LRCH1: variants seen among roughly 807,000 people sequenced by gnomAD.
LRCH1 encodes leucine-rich repeat and calponin homology domain-containing protein 1.
LRCH1 carries 23 observed loss-of-function variants against 94.9 expected under a neutral mutation model. The observed-to-expected ratio is 0.24, with a 90% CI of 0.17 to 0.34. The LOEUF (loss-of-function observed/expected upper bound fraction) is 0.34. Ranked by LOEUF, LRCH1 falls within the 10% of genes least tolerant of loss-of-function variation. The pLI is 1.00. For missense variants in LRCH1, 790 were observed against 945.9 expected (o/e 0.84, Z 2.16); for synonymous variants, 364 against 354.9 (o/e 1.03, Z -0.29).
chr13:46,576,603 A>T (rs995980656), intron 1 of LRCH1, among the ~76,000 whole-genome samples: 1 of 152,218 alleles, frequency 6.6e-6, no homozygotes, highest in African/African-American at 2.4e-5. Flanking sequence ...TTGGAGAGCC[A>T]TGCCTCTTTC....
chr13:46,618,455 A>T (rs4601940), intron 1 of LRCH1, among the ~76,000 whole-genome samples: 1 of 152,182 alleles, frequency 6.6e-6, no homozygotes, highest in Non-Finnish European at 1.5e-5. Flanking sequence ...AGCTACTTTA[A>T]TTTTAAGTTA....
chr13:46,651,586 G>A (rs563699281), intron 2 of LRCH1, among the ~76,000 whole-genome samples: 29 of 151,602 alleles, frequency 1.9e-4, no homozygotes, highest in Admixed American at 1.6e-3. Flanking sequence ...GCTTGAACCC[G>A]GGAGGCAGAG....
At chr13:46,610,279 A>G (rs1382021185) in intron 1 of LRCH1, among the ~76,000 whole-genome samples, 1 of 152,072 alleles carries the variant, frequency 6.6e-6, no homozygotes, top group Non-Finnish European at 1.5e-5. Context: ...GATCGTATAC[A>G]TTTTTTGGCT....
In LRCH1 at chr13:46,705,091, G is replaced by A; in HGVS notation, c.1424G>A (p.Arg475Lys). 1.3e-6 allele frequency: 2 copies of A among 1,598,664 alleles called. No homozygotes were observed. The highest frequency in any genetic ancestry group is 1.7e-6 in the Non-Finnish European group (2 of 1,170,618). Residue 475 changes from arginine (R) to lysine (K), a missense_variant, in exon 12 of 20, where the codon AGA becomes AAA. Physicochemically the swap from Arg to Lys is conservative, Grantham distance 26. Coordinates refer to ENST00000389797, the MANE Select transcript of LRCH1 (RefSeq NM_001164211.2). ...AGATTAAGCACAGATATTACAGAGA[G>A]AAGTGTTTTAAACCTATATCCTATG... ...PNGLSTDITE[R>K]SVLNLYPMGS... is the part of the protein sequence containing the mutation.
intron 1 of LRCH1, among the ~76,000 whole-genome samples, chr13:46,609,604 CT>C (rs1185932445): frequency 6.6e-6 from 1 of 151,966 alleles, no homozygotes; most frequent in Non-Finnish European, 1.5e-5. Flanking sequence ...AAATAGTAAA[CT>C]AATTCATTCA....
chr13:46,554,331 A>G (rs1206169154), intron 1 of LRCH1, among the ~76,000 whole-genome samples: 1 of 152,170 alleles, frequency 6.6e-6, no homozygotes, highest in Non-Finnish European at 1.5e-5. Flanking sequence ...CTTGTGCGGG[A>G]AAAGAGCCGC....
At chr13:46,647,807 T>C (rs937663108) in intron 1 of LRCH1, among the ~76,000 whole-genome samples, 1 of 151,806 alleles carries the variant, frequency 6.6e-6, no homozygotes. Context: ...TTTTTTTTTT[T>C]TTTTCGTTGT....
chr13:46,652,180 C>T lies in LRCH1; in HGVS notation c.452+1835C>T, dbSNP rs567009621. 2.1e-4 allele frequency among the ~76,000 whole-genome samples: 32 copies of T among 152,112 alleles called. No homozygotes were observed. In the South Asian group the frequency reaches 5.6e-3, roughly 27 times the overall value. Reference sequence around the variant, plus strand: ...CAAGCTCCGCCTCCCGGGTTCACGCCGTTCTACTGCCTCAGCCTACTGAGT... The same window carrying T: ...CAAGCTCCGCCTCCCGGGTTCACGCTGTTCTACTGCCTCAGCCTACTGAGT... On this transcript the variant is annotated intron_variant, in intron 2 of 19. Coordinates refer to ENST00000389797, the MANE Select transcript of LRCH1 (RefSeq NM_001164211.2).
intron 3 of LRCH1, among the ~76,000 whole-genome samples, chr13:46,671,300 C>A (rs1201003335): frequency 6.6e-6 from 1 of 152,258 alleles, no homozygotes; most frequent in East Asian, 1.9e-4. Context: ...ACTTATTACT[C>A]AATTTTCATA....
intron 1 of LRCH1, among the ~76,000 whole-genome samples, chr13:46,603,866 A>G (rs2137988246): frequency 6.6e-6 from 1 of 152,294 alleles, no homozygotes; most frequent in South Asian, 2.1e-4. Context: ...TATGTTGCCC[A>G]GGCTGGTCTT....
exon 19 of LRCH1, chr13:46,750,750 G>C: frequency 1.4e-6 from 1 of 731,216 alleles, no homozygotes; most frequent in Non-Finnish European, 2.3e-6. Flanking sequence ...CCCACTGCCT[G>C]TCACTTCACT....
chr13:46,679,643 G>C (rs1329694976), intron 3 of LRCH1, among the ~76,000 whole-genome samples: 1 of 152,042 alleles, frequency 6.6e-6, no homozygotes, highest in Non-Finnish European at 1.5e-5. Context: ...GACTTTTCTG[G>C]GCCAGGAGGG....
At chr13:46,585,276 T>TC (rs1467689961) in intron 1 of LRCH1, among the ~76,000 whole-genome samples, 18 of 152,172 alleles carry the variant, frequency 1.2e-4, no homozygotes, top group Non-Finnish European at 2.6e-4. Flanking sequence ...ATTCTGCTAC[T>TC]CATAAGAATG....
At chr13:46,681,712 T>A in intron 3 of LRCH1, 29 bp from the exon 4 acceptor site, 1 of 1,457,578 alleles carries the variant, frequency 6.9e-7, no homozygotes, top group Non-Finnish European at 9.6e-7. Flanking sequence ...AAAAGATGTT[T>A]ATTATTTCTC....
At chr13:46,624,082 C>T (rs2050916076) in intron 1 of LRCH1, among the ~76,000 whole-genome samples, 2 of 152,084 alleles carry the variant, frequency 1.3e-5, no homozygotes, top group South Asian at 4.2e-4. Context: ...TGAGGTCTCT[C>T]TATGTTTCCC....
At chr13:46,664,184 A>G (rs963945703) in intron 2 of LRCH1, among the ~76,000 whole-genome samples, 1 of 152,208 alleles carries the variant, frequency 6.6e-6, no homozygotes, top group African/African-American at 2.4e-5. Flanking sequence ...GGAAACATTA[A>G]ACCATATTTT....
chr13:46,711,545 C>T (rs1487555047), intron 13 of LRCH1, among the ~76,000 whole-genome samples: 2 of 152,204 alleles, frequency 1.3e-5, no homozygotes, highest in African/African-American at 2.4e-5. Context: ...ACTCCTTGCT[C>T]TGGGAAGTTC....
rs1391442427 is a variant in LRCH1, at chr13:46,752,719, A to G, written c.*2069A>G. 3.3e-5 allele frequency: 5 copies of G among 152,270 alleles called. No individual in the cohort carries two copies. In the East Asian group the frequency reaches 9.6e-4, roughly 29 times the overall value. 9.4% of individuals were successfully genotyped at this position (152,270 alleles called of 1,614,324 possible). A position where few individuals can be genotyped will look rare whatever the true frequency, so the allele number is the denominator to read the frequency against. On this transcript the variant is annotated 3_prime_UTR_variant, in exon 19 of 19. Coordinates refer to the LRCH1 transcript ENST00000311191. ...TCCTGAAATATTTTCTTACGTGTAT[A>G]TATGGTAGCATGAAGCTTTGTAATC...
Position 46,650,338 on chromosome 13 carries a change from A to T in LRCH1, c.445A>T (p.Asn149Tyr). 3 of 1,593,748 alleles carry T rather than the reference A, an allele frequency of 1.9e-6. No homozygotes were observed. Among genetic ancestry groups the T allele is most frequent in the Non-Finnish European group, 8.5e-7 (1 of 1,170,692 alleles). The stretch of plus-strand genomic sequence containing the variant: ...TAATCTGCAGATGCTGACTTACCTG[A>T]ACTTGAGGTAGGTTAAACATAAAAG... ...IVNLQMLTYL[N>Y]LSRNQLSALP... The change falls in exon 2 of 20, where the codon AAC becomes TAC. Residue 149 changes from asparagine to tyrosine, a missense_variant. This residue lies in a region of LRCH1 where 194 missense variants were observed against 293.5 expected (regional missense o/e 0.66). Transcript: ENST00000389797.
Sources: allele counts gnomAD v4.1 joint callset (sites outside exome capture counted in the v4.1 genomes callset), GRCh38; gene constraint gnomAD v4.1.1; regional missense constraint gnomAD v4.1.1; transcripts MANE v1.5; gene names NCBI Gene and HGNC (gene_info 2026-07-23, HGNC 2026-07-21).